The following METTL15 variants were observed in gnomAD, a reference collection of about 807,000 sequenced individuals.
METTL15 encodes 12S rRNA N(4)-cytidine methyltransferase METTL15.
In METTL15, 34 loss-of-function variants were observed where a neutral mutation model predicts 38.3. That is an observed-to-expected ratio of 0.89 (90% confidence interval 0.68 to 1.18). The LOEUF (loss-of-function observed/expected upper bound fraction) is 1.18. METTL15 is among the 50% of genes most tolerant of loss of function. The pLI, the probability that METTL15 is intolerant of heterozygous loss-of-function variation, is 0.00. For synonymous variants in METTL15, 162 were observed against 170.9 expected (o/e 0.95, Z 0.41); for missense variants, 438 against 498.4 (o/e 0.88, Z 1.15).
At chr11:28,234,874 C>T in intron 4 of METTL15, among the ~76,000 whole-genome samples, 3 of 145,242 alleles carry the variant, frequency 2.1e-5, no homozygotes, top group Admixed American at 6.9e-5. Context: ...ACATGAAGTC[C>T]TTGCCCATGC....
intron 6 of METTL15, among the ~76,000 whole-genome samples, chr11:28,431,292 A>G (rs1329932199): frequency 6.9e-6 from 1 of 145,670 alleles, no homozygotes; most frequent in Non-Finnish European, 1.5e-5. Context: ...CCAACAGCTC[A>G]TTGAGAACAG....
chr11:28,396,569 C>A (rs1416421072), intron 5 of METTL15, among the ~76,000 whole-genome samples: 1 of 152,032 alleles, frequency 6.6e-6, no homozygotes, highest in African/African-American at 2.4e-5. Context: ...AACTACAAAC[C>A]ACTGCTCAAT....
intron 6 of METTL15, among the ~76,000 whole-genome samples, chr11:28,300,236 T>C (rs1856867442): frequency 6.6e-6 from 1 of 152,168 alleles, no homozygotes; most frequent in African/African-American, 2.4e-5. Context: ...ATGTGTTTTC[T>C]GATTCTGATA....
intron 6 of METTL15, among the ~76,000 whole-genome samples, chr11:28,323,063 T>A (rs573578642): frequency 6.6e-6 from 1 of 152,194 alleles, no homozygotes; most frequent in South Asian, 2.1e-4. Flanking sequence ...CCTATATGTA[T>A]TTTTGTCATA....
At chr11:28,174,055 A>G (rs1590865682) in intron 3 of METTL15, among the ~76,000 whole-genome samples, 1 of 152,146 alleles carries the variant, frequency 6.6e-6, no homozygotes, top group African/African-American at 2.4e-5. Flanking sequence ...TCCTTTTGCC[A>G]TGCTGTACTC....
intron 6 of METTL15, chr11:28,517,062 G>C (rs1851725451): frequency 6.6e-6 from 1 of 152,222 alleles, no homozygotes; most frequent in African/African-American, 2.4e-5. Context: ...TCATCTCTCT[G>C]TTGCCCTTTC....
rs1287798553 is a variant in METTL15 at position 28,321,077 on chromosome 11, G to A, written c.779-9319G>A. 2.6e-5 allele frequency among the ~76,000 whole-genome samples: 4 copies of A among 152,128 alleles called. No homozygotes were observed. The East Asian group carries it at 7.7e-4, about 29-fold the overall frequency. On this transcript the variant is annotated intron_variant, in intron 6 of 6. Coordinates refer to ENST00000407364, the MANE Select transcript of METTL15 (RefSeq NM_001113528.2). ...TCTCCATTAGTCCAGGCTGAAAGTA[G>A]AATAAGCTTGGCAGAACCTTTAAAT...
At chr11:28,238,117 A>G (rs892440340) in intron 4 of METTL15, among the ~76,000 whole-genome samples, 2 of 152,136 alleles carry the variant, frequency 1.3e-5, no homozygotes, top group African/African-American at 4.8e-5. Context: ...TGCTGGGAGA[A>G]CCACTGCTCT....
At position 28,375,556 on chromosome 11, in the gene METTL15, T is replaced by C. The variant is rs192286340; in HGVS notation, c.*358+13520T>C. Among the ~76,000 whole-genome samples, 4 of 152,264 alleles carry C rather than the reference T, an allele frequency of 2.6e-5. 1 individual carries two copies. The highest frequency in any genetic ancestry group is 9.6e-5 in the African/African-American group (4 of 41,570). On this transcript the variant is annotated intron_variant and NMD_transcript_variant, in intron 5 of 7. Coordinates refer to the METTL15 transcript ENST00000532947. ...ATTGTGTCTATTTGATTCTTCTCTC[T>C]TTTTTTCTTTATTAGTCTTGCTGGC...
chr11:28,250,395 G>A (rs1854691181), intron 4 of METTL15, among the ~76,000 whole-genome samples: 1 of 151,616 alleles, frequency 6.6e-6, no homozygotes, highest in Admixed American at 6.6e-5. Flanking sequence ...GCTATTTTTG[G>A]ACTTTTAAAA....
At chr11:28,336,085 C>T (rs575396849), downstream of METTL15, among the ~76,000 whole-genome samples, 1 of 152,236 alleles carries the variant, frequency 6.6e-6, no homozygotes, top group South Asian at 2.1e-4. Context: ...GTTTTAAGTG[C>T]AGCGTCTGCA....
chr11:28,150,408 G>A (rs1314500153), intron 3 of METTL15, among the ~76,000 whole-genome samples: 1 of 151,852 alleles, frequency 6.6e-6, no homozygotes, highest in Non-Finnish European at 1.5e-5. Context: ...GAATTGGACT[G>A]ATAAAGCTTC....
chr11:28,385,283 A>C (rs1026761138), intron 5 of METTL15, among the ~76,000 whole-genome samples: 1 of 152,148 alleles, frequency 6.6e-6, no homozygotes, highest in African/African-American at 2.4e-5. Flanking sequence ...TGGGTTTTAC[A>C]TTTAAGTCCT....
chr11:28,193,242 T>C (rs1851766039), intron 3 of METTL15, among the ~76,000 whole-genome samples: 4 of 152,080 alleles, frequency 2.6e-5, no homozygotes, highest in Admixed American at 2.0e-4. Context: ...TAAAGAAATA[T>C]CTGAGATTGG....
At chr11:28,376,285 T>C (rs1428501088) in intron 5 of METTL15, among the ~76,000 whole-genome samples, 2 of 152,104 alleles carry the variant, frequency 1.3e-5, no homozygotes, top group Non-Finnish European at 2.9e-5. Context: ...TCTCCCATTA[T>C]TAATGTGTGG....
chr11:28,465,589 A>G (rs1179448714), intron 6 of METTL15, among the ~76,000 whole-genome samples: 1 of 152,172 alleles, frequency 6.6e-6, no homozygotes, highest in Admixed American at 6.5e-5. Context: ...TTTTTAGTGA[A>G]TGGAGCCACC....
intron 5 of METTL15, among the ~76,000 whole-genome samples, chr11:28,411,638 T>TAGA (rs59321947): frequency 1 from 152,017 of 152,038 alleles, 75,998 homozygotes; most frequent in Non-Finnish European, 1. Flanking sequence ...CTAAAATTCC[T>TAGA]AGAAGACATA....
At chr11:28,417,580 T>G (rs1019527005) in intron 5 of METTL15, among the ~76,000 whole-genome samples, 35 of 152,240 alleles carry the variant, frequency 2.3e-4, no homozygotes, top group African/African-American at 8.4e-4. Flanking sequence ...TACATATGAT[T>G]GGCAGTAGGC....
intron 6 of METTL15, among the ~76,000 whole-genome samples, chr11:28,459,975 T>C (rs1851200659): frequency 6.6e-6 from 1 of 152,142 alleles, no homozygotes; most frequent in African/African-American, 2.4e-5. Flanking sequence ...TCTCTAGTAC[T>C]GTGAGGCCCA....
Sources: gnomAD v4.1 joint callset for allele counts (sites outside exome capture counted in the v4.1 genomes callset) on GRCh38, gnomAD v4.1.1 for gene constraint, MANE v1.5 for transcripts, NCBI Gene and HGNC (gene_info 2026-07-23, HGNC 2026-07-21) for gene names.